Variants in GOLIM4 observed in about 807,000 individuals in gnomAD.
The protein encoded by GOLIM4 is 130 kDa golgi-localized phosphoprotein.
A neutral mutation model predicts 107.4 loss-of-function variants in GOLIM4; 71 were observed. The observed-to-expected ratio is 0.66, with a 90% CI of 0.55 to 0.81. GOLIM4 has a LOEUF of 0.81. Among genes scored for constraint, GOLIM4 ranks in the 30% least tolerant of loss-of-function variants. The pLI, the probability that GOLIM4 is intolerant of heterozygous loss-of-function variation, is 0.00. For synonymous variants in GOLIM4, 327 were observed against 294.8 expected (o/e 1.11, Z -1.12); for missense variants, 830 against 826.1 (o/e 1.00, Z -0.06).
At position 168,041,444 on chromosome 3, in the gene GOLIM4, C is replaced by G. The variant is rs1394017205; in HGVS notation, c.548G>C (p.Arg183Thr). The change falls in exon 6 of 16, where the codon AGA becomes ACA. Residue 183 changes from arginine to threonine, a missense_variant. By Grantham distance (71) the Arg-to-Thr change is moderately conservative. Transcript: ENST00000470487. ...GTCTTGGTGTGCTTTCCTTAGTTGT[C>G]TATTCTCTTCTCTCAAATTGTATAC... The part of the protein sequence containing the change: ...ETVYNLREEN[R>T]QLRKAHQDIH... 3 of 1,573,144 alleles carry G rather than the reference C, an allele frequency of 1.9e-6. No individual in the cohort carries two copies. Among genetic ancestry groups the G allele is most frequent in the Admixed American group, 3.3e-5 (2 of 59,922 alleles).
At chr3:168,016,327 C>G (rs1577501703) in intron 14 of GOLIM4, among the ~76,000 whole-genome samples, 2 of 134,324 alleles carry the variant, frequency 1.5e-5, no homozygotes, top group East Asian at 4.0e-4. Context: ...AAATGCAAAT[C>G]AAAACCACAA....
At chr3:168,024,306 C>G (rs555120093) in intron 14 of GOLIM4, among the ~76,000 whole-genome samples, 1 of 152,268 alleles carries the variant, frequency 6.6e-6, no homozygotes, top group East Asian at 1.9e-4. Context: ...AGGTGAGAAC[C>G]AAAGAGATGG....
At chr3:168,041,326 T>C (rs1718986495) in intron 6 of GOLIM4, 66 bp downstream of exon 6, 1 of 947,994 alleles carries the variant, frequency 1.1e-6, no homozygotes, top group South Asian at 1.4e-5. Flanking sequence ...GGAATGACTT[T>C]TTAAAGTCAT....
At chr3:168,053,919 A>T (rs937174827) in intron 1 of GOLIM4, among the ~76,000 whole-genome samples, 3 of 152,206 alleles carry the variant, frequency 2.0e-5, no homozygotes, top group African/African-American at 7.2e-5. Flanking sequence ...AAGAAAAAGG[A>T]GGTGGACCAC....
intron 5 of GOLIM4, 98 bp downstream of exon 5, chr3:168,043,281 A>C: frequency 1.3e-6 from 1 of 778,046 alleles, no homozygotes. Context: ...TGATAAATGT[A>C]AATCGATCAC....
chr3:168,042,141 T>C (rs1719042980), intron 5 of GOLIM4, among the ~76,000 whole-genome samples: 1 of 152,158 alleles, frequency 6.6e-6, no homozygotes, highest in African/African-American at 2.4e-5. Flanking sequence ...GTCAGTACAG[T>C]GAACTAGACT....
At chr3:168,061,648 T>C (rs746256058) in intron 1 of GOLIM4, among the ~76,000 whole-genome samples, 1 of 152,222 alleles carries the variant, frequency 6.6e-6, no homozygotes, top group South Asian at 2.1e-4. Context: ...AATTCATAGA[T>C]GAATTTCACA....
rs377317789 is a variant in GOLIM4 at position 168,067,697 on chromosome 3, AAATGAATGAATG to A, written c.188-19344_188-19333del. On this transcript the variant is annotated intron_variant, in intron 1 of 15. Coordinates refer to ENST00000470487, the MANE Select transcript of GOLIM4 (RefSeq NM_014498.5). ...TAATAAAAGTAATTATAGGAAATAT[AAATGAATGAATG>A]AATAAATGAATGAACGTAGTTGCCA... Among the ~76,000 whole-genome samples the A allele has an allele frequency of 4.9e-3, 750 of 152,262 alleles. 3 individuals carry two copies. Among genetic ancestry groups the A allele is most frequent in the African/African-American group, 0.017 (719 of 41,568 alleles).
intron 1 of GOLIM4, among the ~76,000 whole-genome samples, chr3:168,094,563 T>C (rs1344475485): frequency 6.6e-6 from 1 of 152,216 alleles, no homozygotes; most frequent in African/African-American, 2.4e-5. Context: ...GGTCCAGATC[T>C]AGGTTCCTTC....
chr3:168,088,546 G>A (rs1287457564), intron 1 of GOLIM4, among the ~76,000 whole-genome samples: 3 of 152,182 alleles, frequency 2.0e-5, no homozygotes, highest in Non-Finnish European at 2.9e-5. Flanking sequence ...AGGTCACCCT[G>A]CTGGTAAATG....
chr3:168,033,344 G>A (rs71304665), intron 8 of GOLIM4, among the ~76,000 whole-genome samples: 5 of 152,128 alleles, frequency 3.3e-5, no homozygotes, highest in South Asian at 2.1e-4. Flanking sequence ...GGTGGCTCAC[G>A]CCTGTAATCC....
intron 1 of GOLIM4, among the ~76,000 whole-genome samples, chr3:168,062,832 CTATGAA>C: frequency 6.6e-6 from 1 of 152,264 alleles, no homozygotes; most frequent in Admixed American, 6.5e-5. Context: ...TCAAAGTGTA[CTATGAA>C]AGTAGCTCTA....
At chr3:168,012,274 T>G (rs567979279) in intron 14 of GOLIM4, among the ~76,000 whole-genome samples, 20 of 138,044 alleles carry the variant, frequency 1.4e-4, no homozygotes, top group African/African-American at 5.5e-4. Context: ...CAATCAACTG[T>G]AAGAAAGGGT....
chr3:168,050,205 G>A (rs1247103792), intron 1 of GOLIM4, among the ~76,000 whole-genome samples: 1 of 152,176 alleles, frequency 6.6e-6, no homozygotes, highest in Non-Finnish European at 1.5e-5. Context: ...GGACAGAAGT[G>A]TAAAACTGGG....
intron 1 of GOLIM4, among the ~76,000 whole-genome samples, chr3:168,094,327 A>T (rs573865259): frequency 6.6e-6 from 1 of 152,232 alleles, no homozygotes; most frequent in African/African-American, 2.4e-5. Flanking sequence ...TGTGCATGGC[A>T]AAGTGAAAAC....
intron 14 of GOLIM4, among the ~76,000 whole-genome samples, chr3:168,011,743 C>T (rs1207005270): frequency 7.7e-6 from 1 of 130,206 alleles, no homozygotes; most frequent in Admixed American, 7.3e-5. Flanking sequence ...ACCCCTTACC[C>T]CTGAGCAGCC....
chr3:168,030,112 C>T (rs932558212), intron 9 of GOLIM4, 76 bp from the exon 10 acceptor site: 46 of 1,422,048 alleles, frequency 3.2e-5, no homozygotes, highest in African/African-American at 7.0e-5. Flanking sequence ...TTTCTCCTGA[C>T]AAACTCAGGA....
chr3:168,073,220 T>C (rs1263715314), intron 1 of GOLIM4, among the ~76,000 whole-genome samples: 1 of 152,248 alleles, frequency 6.6e-6, no homozygotes. Flanking sequence ...CGTATCATAG[T>C]CTGCCATTCC....
At chr3:168,024,870 C>A in intron 13 of GOLIM4, 58 bp downstream of exon 13, 1 of 1,515,630 alleles carries the variant, frequency 6.6e-7, no homozygotes, top group Non-Finnish European at 9.1e-7. Context: ...TTTACATAAA[C>A]CAGATGTTTC....
Sources: gnomAD v4.1 joint callset for allele counts (sites outside exome capture counted in the v4.1 genomes callset) on GRCh38, gnomAD v4.1.1 for gene constraint, MANE v1.5 for transcripts, NCBI Gene and HGNC (gene_info 2026-07-23, HGNC 2026-07-21) for gene names.